Variants in PLET1 observed in about 807,000 individuals in gnomAD.
The protein encoded by PLET1 is placenta expressed transcript 1.
In PLET1, 20 loss-of-function variants were observed where a neutral mutation model predicts 18.5. The observed-to-expected ratio is 1.08, with a 90% confidence interval of 0.76 to 1.57. PLET1 has a LOEUF of 1.57. Ranked by LOEUF, PLET1 falls within the 40% of genes most tolerant of loss-of-function variation. PLET1 has a pLI of 0.00. For missense variants in PLET1, 256 were observed against 246.4 expected (o/e 1.04, Z -0.26); for synonymous variants, 93 against 93.8 (o/e 0.99, Z 0.05).
rs1860165689 is a variant in PLET1 at position 112,252,422 on chromosome 11, A to AG, written c.387-14_387-13insC. Reference sequence around the variant, plus strand: ...GACAGTGAAAGCTCTGTGGAGGGCAAATCAATGAGAGATAATGCTGAGGAC... The same window carrying AG: ...GACAGTGAAAGCTCTGTGGAGGGCAAGATCAATGAGAGATAATGCTGAGGAC... On this transcript the variant is annotated splice_polypyrimidine_tract_variant and intron_variant, in intron 2 of 3. Transcript: ENST00000338832. 9 of 1,549,310 alleles carry AG rather than the reference A, an allele frequency of 5.8e-6. No individual in the cohort carries two copies. Among genetic ancestry groups the AG allele is most frequent in the Non-Finnish European group, 7.0e-6 (8 of 1,144,900 alleles).
At position 112,248,828 on chromosome 11, in the gene PLET1, C is replaced by T. The variant is rs1860125802; in HGVS notation, c.595G>A (p.Ala199Thr). The T allele has an allele frequency of 6.4e-7, 1 of 1,551,534 alleles. No individual in the cohort carries two copies. Among genetic ancestry groups the T allele is most frequent in the Non-Finnish European group, 8.7e-7 (1 of 1,146,968 alleles). Residue 199 changes from alanine (A) to threonine (T), a missense_variant, in exon 4 of 4, where the codon GCT (alanine) becomes ACT (threonine). Coordinates refer to ENST00000338832, the MANE Select transcript of PLET1 (RefSeq NM_001145024.1). ...PITEAIYILL[A>T]FLTSTLLF is the part of the protein sequence containing the mutation. The stretch of plus-strand genomic sequence containing the variant: ...AAGAGAAGTGTGCTGGTGAGAAAAG[C>T]AAGCAGGATATAAATGGCCTCTGTG...
rs1860122868 is a variant in PLET1 at position 112,248,477 on chromosome 11, AC to A, written c.*321del. 4.8e-6 allele frequency: 2 copies of A among 415,678 alleles called. No individual in the cohort carries two copies. Among genetic ancestry groups the A allele is most frequent in the Non-Finnish European group, 8.4e-6 (2 of 236,972 alleles). 25.7% of individuals were successfully genotyped at this position (415,678 alleles called of 1,614,324 possible). On this transcript the variant is annotated 3_prime_UTR_variant, in exon 4 of 4. Coordinates refer to ENST00000338832, the MANE Select transcript of PLET1 (RefSeq NM_001145024.1). ...TTGCAGGGGAATCATTTGGCAGTGA[AC>A]AAAAGTTGAGATTGGCTGTGGAATT... is the stretch of plus-strand genomic sequence containing the variant.
Position 112,248,921 on chromosome 11 carries a change from A to G in PLET1, c.502T>C (p.Phe168Leu), listed in dbSNP as rs1860126897. 1.3e-6 allele frequency: 2 copies of G among 1,551,242 alleles called. No homozygotes were observed. Among genetic ancestry groups the G allele is most frequent in the Non-Finnish European group, 1.7e-6 (2 of 1,146,978 alleles). ...KIPQSSAFKP[F>L]FMITPKSIRL... ...ATACTCTTGGGTGTAATCATGAAGA[A>G]AGGCTTGAAGGCTGAGCTCTGGGGA... The change falls in exon 4 of 4, where the codon TTC (phenylalanine) becomes CTC (leucine). Residue 168 changes from phenylalanine (F) to leucine (L), a missense_variant. Coordinates refer to ENST00000338832, the MANE Select transcript of PLET1 (RefSeq NM_001145024.1).
intron 3 of PLET1, 35 bp from the exon 4 acceptor site, chr11:112,249,009 A>C: frequency 6.5e-7 from 1 of 1,540,094 alleles, no homozygotes; most frequent in South Asian, 1.2e-5. Flanking sequence ...TTGGCACTGG[A>C]AAATGGCATC....
rs1334739686 is a variant in PLET1 at position 112,251,083 on chromosome 11, ATGTTTCT to A, written c.448+1258_448+1264del. On this transcript the variant is annotated intron_variant, in intron 3 of 3. Coordinates refer to ENST00000338832, the MANE Select transcript of PLET1 (RefSeq NM_001145024.1). ...TGTTGTTGGACAGTGAGAAAGGCTA[ATGTTTCT>A]TGTTCTTGGTTGAATCTTGTATTTA... 2.0e-5 allele frequency among the ~76,000 whole-genome samples: 3 copies of A among 152,286 alleles called. No individual in the cohort carries two copies. The East Asian group carries it at 5.8e-4, about 29-fold the overall frequency.
At chr11:112,260,302 C>T in intron 1 of PLET1, 104 bp downstream of exon 1, 2 of 1,153,150 alleles carry the variant, frequency 1.7e-6, no homozygotes, top group South Asian at 1.7e-5. Flanking sequence ...TCAGAAGACA[C>T]ATGTTTTGTA....
At chr11:112,252,181 G>A (rs956741504) in intron 3 of PLET1, among the ~76,000 whole-genome samples, 167 bp downstream of exon 3, 3 of 152,286 alleles carry the variant, frequency 2.0e-5, no homozygotes, top group East Asian at 3.9e-4. Context: ...ATGGGACAAC[G>A]GGTTGGGCAA....
At chr11:112,258,097 A>C (rs372289694) in intron 1 of PLET1, among the ~76,000 whole-genome samples, 7 of 152,228 alleles carry the variant, frequency 4.6e-5, no homozygotes, top group Admixed American at 3.9e-4. Context: ...GTAGGCATTC[A>C]AGGAGCCTTA....
At chr11:112,254,406 C>T (rs58408817) in intron 2 of PLET1, among the ~76,000 whole-genome samples, 3 of 148,678 alleles carry the variant, frequency 2.0e-5, no homozygotes, top group Admixed American at 6.7e-5. Context: ...GTACCTCTAT[C>T]GTGTGTGTAT....
At chr11:112,255,717 A>G (rs1265450555) in intron 1 of PLET1, 128 bp from the exon 2 acceptor site, 2 of 764,936 alleles carry the variant, frequency 2.6e-6, no homozygotes, top group Non-Finnish European at 4.4e-6. Context: ...CATCGAGTAT[A>G]TGGTCTCACT....
At position 112,248,905 on chromosome 11, in the gene PLET1, G is replaced by T; in HGVS notation, c.518C>A (p.Pro173His). 6.4e-7 allele frequency: 1 copy of T among 1,551,378 alleles called. No individual in the cohort carries two copies. The highest frequency in any genetic ancestry group is 8.7e-7 in the Non-Finnish European group (1 of 1,146,944). Residue 173 changes from proline (P) to histidine (H), a missense_variant, in exon 4 of 4, where the codon CCC becomes CAC. Transcript: ENST00000338832. ...CAAGCCTTCGAGTCTGATACTCTTG[G>T]GTGTAATCATGAAGAAAGGCTTGAA... ...SAFKPFFMITPKSIRLEGLAN... is the reference protein window; with the variant it reads ...SAFKPFFMITHKSIRLEGLAN...
At chr11:112,249,954 C>G (rs1480741819) in intron 3 of PLET1, among the ~76,000 whole-genome samples, 1 of 107,746 alleles carries the variant, frequency 9.3e-6, no homozygotes, top group East Asian at 2.7e-4. Flanking sequence ...GAGACTCTGT[C>G]TCAAAAATTA....
At position 112,260,568 on chromosome 11, in the gene PLET1, G is replaced by C; in HGVS notation, c.22C>G (p.Leu8Val). The change falls in exon 1 of 4, where the codon CTG (leucine) becomes GTG (valine). Residue 8 changes from leucine to valine, a missense_variant. Coordinates refer to ENST00000338832, the MANE Select transcript of PLET1 (RefSeq NM_001145024.1). MAVFHDM[L>V]LQPLGMFLCL... Reference sequence around the variant, plus strand: ...AGAAACATCCCCAGTGGCTGCAGCAGCATGTCATGGAAGACTGCCATGGTC... The same window carrying C: ...AGAAACATCCCCAGTGGCTGCAGCACCATGTCATGGAAGACTGCCATGGTC... The C allele has an allele frequency of 1.3e-6, 2 of 1,551,414 alleles. No individual in the cohort carries two copies. Among genetic ancestry groups the C allele is most frequent in the Non-Finnish European group, 1.7e-6 (2 of 1,146,898 alleles).
At position 112,248,282 on chromosome 11, in the gene PLET1, T is replaced by C. The variant is rs1282683437; in HGVS notation, c.*517A>G. 1.3e-5 allele frequency among the ~76,000 whole-genome samples: 2 copies of C among 152,224 alleles called. No homozygotes were observed. The highest frequency in any genetic ancestry group is 1.3e-4 in the Admixed American group (2 of 15,290). On this transcript the variant is annotated 3_prime_UTR_variant, in exon 4 of 4. Coordinates refer to ENST00000338832, the MANE Select transcript of PLET1 (RefSeq NM_001145024.1). The stretch of plus-strand genomic sequence containing the variant: ...TGTTCTCTTGCCCTTCAAAATCTAC[T>C]GGTGTGGACAAATGGGAAGCTGCCA...
At chr11:112,249,763 C>T (rs1362055062) in intron 3 of PLET1, among the ~76,000 whole-genome samples, 1 of 151,894 alleles carries the variant, frequency 6.6e-6, no homozygotes, top group African/African-American at 2.4e-5. Context: ...TCGAGACCAG[C>T]CTGGCCAACA....
At chr11:112,250,486 T>TA (rs911193181) in intron 3 of PLET1, among the ~76,000 whole-genome samples, 7 of 152,166 alleles carry the variant, frequency 4.6e-5, no homozygotes, top group African/African-American at 7.2e-5. Context: ...TAATTATAGT[T>TA]ACGCTTTGAT....
At chr11:112,260,363 C>T in intron 1 of PLET1, 43 bp downstream of exon 1, 1 of 1,501,042 alleles carries the variant, frequency 6.7e-7, no homozygotes, top group Non-Finnish European at 9.0e-7. Context: ...GGTTAATTTC[C>T]CTCAGGGAAC....
chr11:112,254,834 T>G (rs1468949665), intron 2 of PLET1, among the ~76,000 whole-genome samples: 6 of 113,974 alleles, frequency 5.3e-5, no homozygotes, highest in Non-Finnish European at 8.9e-5. Context: ...GTGGGGTGTA[T>G]GTGTTGTGTG....
intron 3 of PLET1, among the ~76,000 whole-genome samples, chr11:112,249,851 G>C (rs1313441740): frequency 1.3e-5 from 2 of 151,944 alleles, no homozygotes; most frequent in African/African-American, 4.8e-5. Context: ...CAGCTACTCA[G>C]GGGGCTGAGG....
Sources: allele counts gnomAD v4.1 joint callset (sites outside exome capture counted in the v4.1 genomes callset), GRCh38; gene constraint gnomAD v4.1.1; transcripts MANE v1.5; gene names NCBI Gene and HGNC (gene_info 2026-07-23, HGNC 2026-07-21).